The following SUN5 variants were observed in gnomAD, a reference collection of about 807,000 sequenced individuals.
SUN5 encodes Sad1 and UNC84 domain containing 5, also known as SUN domain-containing protein 5.
Under a neutral mutation model 53.7 loss-of-function variants are expected in SUN5, and 44 were observed. That is an observed-to-expected ratio of 0.82 (90% CI 0.64 to 1.05). The LOEUF (loss-of-function observed/expected upper bound fraction) is 1.05, where lower values mean the gene tolerates loss of function less well. Among genes scored for constraint, SUN5 ranks in the 50% least tolerant of loss-of-function variants. SUN5 has a pLI of 0.00. For missense variants in SUN5, 433 were observed against 483.8 expected (o/e 0.90, Z 0.98); for synonymous variants, 166 against 179.8 (o/e 0.92, Z 0.62).
In SUN5 at chr20:32,995,708, G is replaced by GGGAATGATA; in HGVS notation, c.444_445insTATCATTCC (p.Val148_Arg149insTyrHisSer). On this transcript the variant is annotated inframe_insertion, in exon 8 of 13. Transcript: ENST00000356173. ...TCCTGGATTTCCCCACTGTGATGTC[G>GGGAATGATA]CACCTTCTCCTGGTACAACCTTATC... 1 of 1,613,986 alleles carries GGGAATGATA rather than the reference G, an allele frequency of 6.2e-7. No homozygotes were observed. The highest frequency in any genetic ancestry group is 2.2e-5 in the East Asian group (1 of 44,864).
At position 32,987,981 on chromosome 20, in the gene SUN5, T is replaced by C. The variant is rs991611984; in HGVS notation, c.614-206A>G. ...TTATTTTATCTTATATTTTTTGAGA[T>C]GGAGTCTTGCTCAGTCCCCAGGCTG... On this transcript the variant is annotated intron_variant, in intron 9 of 12. Coordinates refer to ENST00000356173, the MANE Select transcript of SUN5 (RefSeq NM_080675.4). Among the ~76,000 whole-genome samples the C allele has an allele frequency of 5.9e-5, 9 of 152,276 alleles. No individual in the cohort carries two copies. The East Asian group carries it at 1.7e-3, about 29-fold the overall frequency.
rs112468655 is a variant in SUN5, at chr20:33,001,519, C to CTTCTTTCTTTCTTTCTTTCTTTCT, written c.212-265_212-242dup. Among the ~76,000 whole-genome samples, 150 of 121,394 alleles carry CTTCTTTCTTTCTTTCTTTCTTTCT rather than the reference C, an allele frequency of 1.2e-3. 4 individuals carry two copies. The highest frequency in any genetic ancestry group is 4.6e-3 in the South Asian group (18 of 3,922). The allele number at this position is 121,394 out of a possible 152,430, so 79.6% of individuals were successfully genotyped here. ...CAGTTAACAGACATTTTCTTTCTTT[C>CTTCTTTCTTTCTTTCTTTCTTTCT]TTCTTTCTTTCTTTCTTTCTTTCTT... On this transcript the variant is annotated intron_variant, in intron 3 of 12. Transcript: ENST00000356173.
At chr20:32,987,513 T>A in intron 10 of SUN5, 147 bp downstream of exon 10, 1 of 280,282 alleles carries the variant, frequency 3.6e-6, no homozygotes, top group Non-Finnish European at 6.2e-6. Flanking sequence ...CCTTTGCCCC[T>A]GCATCTGTCT....
At chr20:32,995,268 A>T (rs1989815529) in intron 8 of SUN5, among the ~76,000 whole-genome samples, 1 of 152,190 alleles carries the variant, frequency 6.6e-6, no homozygotes, top group South Asian at 2.1e-4. Context: ...AGGGATAAAA[A>T]ATAGATCATA....
intron 2 of SUN5, 97 bp downstream of exon 2, chr20:33,002,764 G>GCCCCTT: frequency 6.3e-7 from 1 of 1,594,798 alleles, no homozygotes; most frequent in Non-Finnish European, 8.6e-7. Context: ...CCCTGCCCCT[G>GCCCCTT]CCCCTTGCTG....
intron 1 of SUN5, 96 bp downstream of exon 1, chr20:33,004,168 C>G (rs1319454823): frequency 7.5e-6 from 10 of 1,335,994 alleles, no homozygotes; most frequent in Non-Finnish European, 1.0e-5. Flanking sequence ...CTGTACAGTA[C>G]AGTTGACAAT....
intron 6 of SUN5, among the ~76,000 whole-genome samples, chr20:32,997,219 C>T (rs1989877069): frequency 6.6e-6 from 1 of 152,198 alleles, no homozygotes; most frequent in South Asian, 2.1e-4. Flanking sequence ...TTGCAGACCT[C>T]ATGTAGGGAG....
chr20:32,985,607 T>C, intron 11 of SUN5, 129 bp downstream of exon 11: 1 of 1,225,660 alleles, frequency 8.2e-7, no homozygotes, highest in Non-Finnish European at 1.1e-6. Flanking sequence ...CTTCCAGCCT[T>C]AACCAAGCTG....
intron 8 of SUN5, among the ~76,000 whole-genome samples, chr20:32,991,672 G>A (rs901421827): frequency 6.6e-6 from 1 of 152,208 alleles, no homozygotes; most frequent in Admixed American, 6.5e-5. Context: ...AGCTTAGAGG[G>A]GAGATTCAGG....
At chr20:32,997,539 G>T in intron 6 of SUN5, 99 bp downstream of exon 6, 1 of 1,359,154 alleles carries the variant, frequency 7.4e-7, no homozygotes, top group Non-Finnish European at 1.0e-6. Context: ...AACTGATGAG[G>T]GGCCCCATTT....
chr20:32,993,454 A>T (rs1055890819), intron 8 of SUN5, among the ~76,000 whole-genome samples: 7 of 152,230 alleles, frequency 4.6e-5, no homozygotes, highest in Admixed American at 3.3e-4. Flanking sequence ...AAAGAGAAGG[A>T]AGCAAAGTTC....
rs375404160 is a variant in SUN5 at position 33,004,263 on chromosome 20, C to G, written c.77+1G>C. 7 of 1,567,288 alleles carry G rather than the reference C, an allele frequency of 4.5e-6. No individual in the cohort carries two copies. The African/African-American group carries it at 9.5e-5, about 21-fold the overall frequency. ...GCAAAGGGAGGGGCTGCCATCCTCACCTCCGGGGTCTGGGATTGTGGGCCA... is the reference window on the plus strand; with the variant it reads ...GCAAAGGGAGGGGCTGCCATCCTCAGCTCCGGGGTCTGGGATTGTGGGCCA... On this transcript the variant is annotated splice_donor_variant, in intron 1 of 12. Coordinates refer to ENST00000356173, the MANE Select transcript of SUN5 (RefSeq NM_080675.4). LOFTEE classifies it high-confidence loss of function.
At chr20:32,987,452 G>A (rs914561562) in intron 10 of SUN5, among the ~76,000 whole-genome samples, 4 of 96,298 alleles carry the variant, frequency 4.2e-5, no homozygotes, top group Admixed American at 1.2e-4. Context: ...TCCTGCCCCC[G>A]CCTTCTCCCC....
chr20:33,001,413 A>T, intron 3 of SUN5, 135 bp from the exon 4 acceptor site: 10 of 940,218 alleles, frequency 1.1e-5, no homozygotes, highest in Non-Finnish European at 1.5e-5. Flanking sequence ...CGAGCCTGGG[A>T]CAGAACCAGG....
intron 8 of SUN5, among the ~76,000 whole-genome samples, chr20:32,994,776 G>T (rs975214298): frequency 7.2e-6 from 1 of 138,232 alleles, no homozygotes; most frequent in Admixed American, 7.5e-5. Flanking sequence ...ATGTGCACCT[G>T]CAATCCCAGC....
chr20:32,999,944 C>T, intron 5 of SUN5, 130 bp downstream of exon 5: 1 of 1,552,592 alleles, frequency 6.4e-7, no homozygotes, highest in Non-Finnish European at 8.7e-7. Context: ...ATAATTCTCA[C>T]AGCAACACCC....
Position 32,987,642 on chromosome 20 carries a change from T to C in SUN5, c.729+18A>G, listed in dbSNP as rs1989580862. On this transcript the variant is annotated intron_variant, in intron 10 of 12. Coordinates refer to ENST00000356173, the MANE Select transcript of SUN5 (RefSeq NM_080675.4). ...ACCACTCCCCTGCCGCTGTCCCATC[T>C]CCCGCCATCCCCCCTGCCTCAAGGA... The C allele has an allele frequency of 6.6e-7, 1 of 1,521,220 alleles. No homozygotes were observed. 94.2% of individuals were successfully genotyped at this position (1,521,220 alleles called of 1,614,324 possible). A position where few individuals can be genotyped will look rare whatever the true frequency, so the allele number is the denominator to read the frequency against.
intron 5 of SUN5, among the ~76,000 whole-genome samples, chr20:32,998,143 A>AG (rs1195333762): frequency 7.5e-6 from 1 of 133,750 alleles, no homozygotes; most frequent in African/African-American, 2.8e-5. Flanking sequence ...GTTCAAGACC[A>AG]GTCTGGCCAA....
intron 2 of SUN5, 62 bp from the exon 3 acceptor site, chr20:33,002,723 C>T: frequency 6.2e-7 from 1 of 1,604,116 alleles, no homozygotes; most frequent in Non-Finnish European, 8.5e-7. Context: ...TTGCAGAGAC[C>T]TAGGGAGCAC....
Sources: allele counts gnomAD v4.1 joint callset (sites outside exome capture counted in the v4.1 genomes callset), GRCh38; gene constraint gnomAD v4.1.1; transcripts MANE v1.5; gene names NCBI Gene and HGNC (gene_info 2026-07-23, HGNC 2026-07-21).